Variants in CYP26C1 observed in about 807,000 individuals in gnomAD.
CYP26C1 encodes cytochrome P450 26C1.
In CYP26C1, 41 loss-of-function variants were observed where a neutral mutation model predicts 39.1. The observed-to-expected ratio is 1.05, with a 90% CI of 0.82 to 1.36. CYP26C1 has a LOEUF of 1.36. CYP26C1 is among the 40% of genes most tolerant of loss of function. The pLI is 0.00. For missense variants in CYP26C1, 833 were observed against 752.0 expected (o/e 1.11, Z -1.26); for synonymous variants, 362 against 350.8 (o/e 1.03, Z -0.36).
intron 5 of CYP26C1, among the ~76,000 whole-genome samples, chr10:93,067,341 C>T (rs897248999): frequency 6.6e-6 from 1 of 152,184 alleles, no homozygotes; most frequent in African/African-American, 2.4e-5. Context: ...AAGGTTTGGA[C>T]GGGAGAGCCT....
rs762928955 is a variant in CYP26C1 at position 93,068,440 on chromosome 10, G to A, written c.1312G>A (p.Glu438Lys). 2.5e-6 allele frequency: 4 copies of A among 1,612,128 alleles called. No individual in the cohort carries two copies. The highest frequency in any genetic ancestry group is 2.2e-5 in the East Asian group (1 of 44,850). The change falls in exon 6 of 6, where the codon GAA becomes AAA. Residue 438 changes from glutamate (E) to lysine (K), a missense_variant. Glu to Lys is a moderately conservative substitution (Grantham distance 56, BLOSUM62 1). Coordinates refer to ENST00000651965, the MANE Select transcript of CYP26C1 (RefSeq NM_183374.3). ...FDPERFGAAR[E>K]DSRGASSRFH... ...TCCAGAGCGCTTCGGCGCAGCGCGC[G>A]AAGATTCCCGGGGCGCCTCCAGCCG...
rs1011342515 is a variant in CYP26C1 at position 93,062,335 on chromosome 10, C to A, written c.429+101C>A. 3 of 1,234,976 alleles carry A rather than the reference C, an allele frequency of 2.4e-6. No individual in the cohort carries two copies. The African/African-American group carries it at 4.6e-5, about 19-fold the overall frequency. The allele number at this position is 1,234,976 out of a possible 1,614,324, so 76.5% of individuals were successfully genotyped here. On this transcript the variant is annotated intron_variant, in intron 2 of 5. Coordinates refer to ENST00000651965, the MANE Select transcript of CYP26C1 (RefSeq NM_183374.3). ...CCCCGGTGTTGGATACACTGTGAAC[C>A]CGACCAAGGTCCCTGGTAACTAGCG...
intron 2 of CYP26C1, 134 bp downstream of exon 2, chr10:93,062,368 T>A: frequency 1.1e-6 from 1 of 923,660 alleles, no homozygotes; most frequent in South Asian, 1.8e-5. Context: ...GCGGGTGGCC[T>A]TGGGCGGGTC....
rs773498722 is a variant in CYP26C1, at chr10:93,068,607, G to A, written c.1479G>A (p.Gln493=). ...CCACACCCGCCTTCCCCGCCATGCA[G>A]ACGGTGCCCATCGTGCACCCAGTGG... ...ELATPAFPAM[Q]TVPIVHPVDG... Residue 493 remains glutamine (Q), a synonymous_variant, in exon 6 of 6, where the codon CAG becomes CAA. Transcript: ENST00000651965. 4.4e-6 allele frequency: 7 copies of A among 1,601,318 alleles called. No individual in the cohort carries two copies. Among genetic ancestry groups the A allele is most frequent in the South Asian group, 3.4e-5 (3 of 89,090 alleles).
chr10:93,064,092 C>T (rs2134412692), intron 3 of CYP26C1: 1 of 1,190,918 alleles, frequency 8.4e-7, no homozygotes, highest in East Asian at 4.4e-5. Flanking sequence ...TGACTCTGGG[C>T]AATTGCTTGA....
chr10:93,066,342 G>A, intron 5 of CYP26C1, 57 bp downstream of exon 5: 1 of 1,240,622 alleles, frequency 8.1e-7, no homozygotes, highest in Non-Finnish European at 1.0e-6. Flanking sequence ...CCTGCCGCCT[G>A]CCGCCTGCCG....
chr10:93,064,277 A>AGGCC, intron 3 of CYP26C1, 104 bp from the exon 4 acceptor site: 3 of 1,463,914 alleles, frequency 2.0e-6, no homozygotes, highest in Non-Finnish European at 2.7e-6. Context: ...CTGTTAACAC[A>AGGCC]AGGATGTTGG....
At position 93,069,133 on chromosome 10, in the gene CYP26C1, T is replaced by A; in HGVS notation, c.*436T>A. On this transcript the variant is annotated 3_prime_UTR_variant, in exon 6 of 6. Transcript: ENST00000651965. ...GAGACCCGACGCACGCGGTGGGACC[T>A]GCAACCCTTGTAAGGAAGCGGGCAC... 1 of 157,260 alleles carries A rather than the reference T, an allele frequency of 6.4e-6. No individual in the cohort carries two copies. 9.7% of individuals were successfully genotyped at this position (157,260 alleles called of 1,614,324 possible).
chr10:93,066,088 G>C lies in CYP26C1; in HGVS notation c.994G>C (p.Gly332Arg). 1.5e-6 allele frequency: 2 copies of C among 1,362,592 alleles called. No homozygotes were observed. The highest frequency in any genetic ancestry group is 1.9e-6 in the Non-Finnish European group (2 of 1,062,478). The allele number at this position is 1,362,592 out of a possible 1,614,324, so 84.4% of individuals were successfully genotyped here. A position where few individuals can be genotyped will look rare whatever the true frequency, so the allele number is the denominator to read the frequency against. ...IREELVAQGL[G>R]RACGCAPGAA... ...GGAGGAGCTGGTGGCGCAGGGGCTGGGGCGCGCGTGCGGCTGCGCGCCCGG... is the reference window on the plus strand; with the variant it reads ...GGAGGAGCTGGTGGCGCAGGGGCTGCGGCGCGCGTGCGGCTGCGCGCCCGG... Residue 332 changes from glycine (G) to arginine (R), a missense_variant, in exon 5 of 6, where the codon GGG becomes CGG. Physicochemically the swap from Gly to Arg is moderately radical, Grantham distance 125 (BLOSUM62 -2). Transcript: ENST00000651965.
Position 93,060,988 on chromosome 10 carries a change from G to A in CYP26C1, c.-276G>A. ...CCGAGGCAGCAGGCACCTTCGAGAG[G>A]GACTGGCATTTGGGCCCAGGAGCCA... On this transcript the variant is annotated 5_prime_UTR_variant, in exon 1 of 6. Transcript: ENST00000651965. 1 of 480,886 alleles carries A rather than the reference G, an allele frequency of 2.1e-6. No individual in the cohort carries two copies. The highest frequency in any genetic ancestry group is 3.6e-6 in the Non-Finnish European group (1 of 275,330). 29.8% of individuals were successfully genotyped at this position (480,886 alleles called of 1,614,324 possible). A position where few individuals can be genotyped will look rare whatever the true frequency, so the allele number is the denominator to read the frequency against.
chr10:93,067,809 G>A (rs1012671692), intron 5 of CYP26C1, among the ~76,000 whole-genome samples: 3 of 152,104 alleles, frequency 2.0e-5, no homozygotes, highest in Non-Finnish European at 4.4e-5. Context: ...GAACATTATC[G>A]TCCAGCTGAT....
intron 5 of CYP26C1, 79 bp downstream of exon 5, chr10:93,066,364 G>GCCT: frequency 8.3e-7 from 1 of 1,211,986 alleles, no homozygotes; most frequent in African/African-American, 1.6e-5. Context: ...CTGCCGCGGC[G>GCCT]GCGCCCAGGT....
Position 93,061,267 on chromosome 10 carries a change from T to G in CYP26C1, c.4T>G (p.Phe2Val), listed in dbSNP as rs1564950590. 6.3e-7 allele frequency: 1 copy of G among 1,578,386 alleles called. No homozygotes were observed. The change falls in exon 1 of 6, where the codon TTC (phenylalanine) becomes GTC (valine). Residue 2 changes from phenylalanine to valine, a missense_variant. Transcript: ENST00000651965. ...GCCTGGCCCCCGCGGGCTCATCATG[T>G]TCCCTTGGGGGCTGAGCTGCCTGTC... is the stretch of plus-strand genomic sequence containing the variant. Reference protein sequence around the residue: MFPWGLSCLSVL... With the variant: MVPWGLSCLSVL...
chr10:93,066,156 C>G lies in CYP26C1; in HGVS notation c.1062C>G (p.Cys354Trp). 1 of 1,395,748 alleles carries G rather than the reference C, an allele frequency of 7.2e-7. No homozygotes were observed. Among genetic ancestry groups the G allele is most frequent in the Non-Finnish European group, 9.3e-7 (1 of 1,074,810 alleles). 86.5% of individuals were successfully genotyped at this position (1,395,748 alleles called of 1,614,324 possible). A position where few individuals can be genotyped will look rare whatever the true frequency, so the allele number is the denominator to read the frequency against. Residue 354 changes from cysteine (C) to tryptophan (W), a missense_variant, in exon 5 of 6, where the codon TGC becomes TGG. Coordinates refer to ENST00000651965, the MANE Select transcript of CYP26C1 (RefSeq NM_183374.3). The part of the protein sequence containing the change: ...GSEGPPPDCG[C>W]EPDLSLAALG... Reference sequence around the variant, plus strand: ...AGGGGCCCCCGCCCGACTGCGGCTGCGAGCCCGACCTCAGCCTCGCGGCGC... The same window carrying G: ...AGGGGCCCCCGCCCGACTGCGGCTGGGAGCCCGACCTCAGCCTCGCGGCGC...
intron 4 of CYP26C1, among the ~76,000 whole-genome samples, chr10:93,065,215 G>A (rs1411778151): frequency 6.6e-6 from 1 of 152,192 alleles, no homozygotes; most frequent in Non-Finnish European, 1.5e-5. Flanking sequence ...CAACTCTTAC[G>A]CATCCTTTCT....
Position 93,064,403 on chromosome 10 carries a change from T to G in CYP26C1, c.728T>G (p.Leu243Arg), listed in dbSNP as rs1461775009. ...CAGGGCATCCGGGCAAGGGACCAGC[T>G]GCATCGGCACCTGGAGGGGGCCATT... ...LRKGIRARDQ[L>R]HRHLEGAISE... The change falls in exon 4 of 6, where the codon CTG (leucine) becomes CGG (arginine). Residue 243 changes from leucine to arginine, a missense_variant. Physicochemically the swap from Leu to Arg is moderately radical, Grantham distance 102. Transcript: ENST00000651965. 6.2e-7 allele frequency: 1 copy of G among 1,614,026 alleles called. No individual in the cohort carries two copies. Among genetic ancestry groups the G allele is most frequent in the Non-Finnish European group, 8.5e-7 (1 of 1,179,984 alleles).
intron 3 of CYP26C1, chr10:93,063,804 AACCTC>A: frequency 1.0e-6 from 1 of 985,582 alleles, no homozygotes. Context: ...ACAGGACTTT[AACCTC>A]ATCTCCTCCG....
In CYP26C1 at chr10:93,068,642, G is replaced by A; in HGVS notation, c.1514G>A (p.Arg505Gln). The part of the protein sequence containing the change: ...VPIVHPVDGL[R>Q]LFFHPLTPSV... ...ATCGTGCACCCAGTGGACGGGCTGC[G>A]GCTCTTTTTCCACCCCCTCACGCCT... is the stretch of plus-strand genomic sequence containing the variant. The change falls in exon 6 of 6, where the codon CGG (arginine) becomes CAG (glutamine). Residue 505 changes from arginine to glutamine, a missense_variant. Arg to Gln is a conservative substitution (Grantham distance 43, BLOSUM62 1). Transcript: ENST00000651965. 2 of 1,596,306 alleles carry A rather than the reference G, an allele frequency of 1.3e-6. No individual in the cohort carries two copies. Among genetic ancestry groups the A allele is most frequent in the Non-Finnish European group, 1.7e-6 (2 of 1,171,032 alleles).
intron 2 of CYP26C1, 51 bp downstream of exon 2, chr10:93,062,285 G>C: frequency 6.8e-7 from 1 of 1,477,820 alleles, no homozygotes; most frequent in Non-Finnish European, 9.0e-7. Context: ...GCGGTCCCCG[G>C]CATCTGCCAT....
Sources: gnomAD v4.1 joint callset for allele counts (sites outside exome capture counted in the v4.1 genomes callset) on GRCh38, gnomAD v4.1.1 for gene constraint, MANE v1.5 for transcripts, NCBI Gene and HGNC (gene_info 2026-07-23, HGNC 2026-07-21) for gene names.